The following JAZF1 variants were observed in gnomAD, a reference collection of about 807,000 sequenced individuals.
JAZF1 encodes the protein JAZF zinc finger 1.
In JAZF1, 8 loss-of-function variants were observed where a neutral mutation model predicts 26.4. The observed-to-expected ratio is 0.30, with a 90% CI of 0.18 to 0.55. The LOEUF is 0.55. Among genes scored for constraint, JAZF1 ranks in the 20% least tolerant of loss-of-function variants. JAZF1 has a pLI of 0.94. For missense variants in JAZF1, 199 were observed against 322.0 expected, an observed-to-expected ratio of 0.62 and a Z score of 2.92; for synonymous variants, 126 against 122.3, an observed-to-expected ratio of 1.03 and a Z score of -0.20.
intron 1 of JAZF1, among the ~76,000 whole-genome samples, chr7:28,126,674 G>A (rs1356962786): frequency 6.6e-6 from 1 of 152,162 alleles, no homozygotes; most frequent in Non-Finnish European, 1.5e-5. Flanking sequence ...CAACAAGACT[G>A]TACTCCCCAT....
chr7:27,840,241 C>G lies in JAZF1; in HGVS notation c.555+457G>C, dbSNP rs1235375544. 6.6e-6 allele frequency among the ~76,000 whole-genome samples: 1 copy of G among 152,174 alleles called. No individual in the cohort carries two copies. The highest frequency in any genetic ancestry group is 1.5e-5 in the Non-Finnish European group (1 of 68,032). On this transcript the variant is annotated intron_variant, in intron 4 of 4. Coordinates refer to ENST00000283928, the MANE Select transcript of JAZF1 (RefSeq NM_175061.4). The surrounding 1 kb of genome is among the most constrained non-coding windows in gnomAD (Gnocchi z 5.1). ...ACTTCCTCAGCTGGAAGCTAAATACCCTCCACACTCACCAAATGGCTCTGG... is the reference window on the plus strand; with the variant it reads ...ACTTCCTCAGCTGGAAGCTAAATACGCTCCACACTCACCAAATGGCTCTGG...
chr7:27,968,419 C>T (rs1785315926), intron 2 of JAZF1, among the ~76,000 whole-genome samples: 1 of 152,178 alleles, frequency 6.6e-6, no homozygotes, highest in South Asian at 2.1e-4. Flanking sequence ...TTTTTGCATT[C>T]AGCATCTTTC....
At chr7:28,051,220 T>A (rs982537776) in intron 1 of JAZF1, among the ~76,000 whole-genome samples, 6 of 151,758 alleles carry the variant, frequency 4.0e-5, no homozygotes, top group Non-Finnish European at 5.9e-5. Flanking sequence ...GTGAGTATAA[T>A]TTTTTATTTT....
chr7:27,895,234 C>A lies in JAZF1; in HGVS notation c.371G>T (p.Ser124Ile). Residue 124 changes from serine to isoleucine, a missense_variant, in exon 3 of 5, where the codon AGC becomes ATC. Coordinates refer to ENST00000283928, the MANE Select transcript of JAZF1 (RefSeq NM_175061.4). ...PPITPSSSFRSSTPTGSEYDE... is the reference protein window; with the variant it reads ...PPITPSSSFRISTPTGSEYDE... ...AGGCCACTCACCTGTCGGAGTGCTGCTGCGGAATGAAGAGGAGGGGGTGAT... is the reference window on the plus strand; with the variant it reads ...AGGCCACTCACCTGTCGGAGTGCTGATGCGGAATGAAGAGGAGGGGGTGAT... 6.2e-7 allele frequency: 1 copy of A among 1,601,066 alleles called. No homozygotes were observed. Among genetic ancestry groups the A allele is most frequent in the Non-Finnish European group, 8.5e-7 (1 of 1,173,978 alleles).
intron 2 of JAZF1, among the ~76,000 whole-genome samples, chr7:27,927,480 AG>A (rs1784619635): frequency 1.3e-5 from 2 of 152,146 alleles, no homozygotes; most frequent in Non-Finnish European, 2.9e-5. Flanking sequence ...TGAGGATAAT[AG>A]TATCTTCCTT....
intron 1 of JAZF1, among the ~76,000 whole-genome samples, chr7:28,006,674 C>T (rs939163659): frequency 6.6e-6 from 1 of 152,130 alleles, no homozygotes; most frequent in African/African-American, 2.4e-5. Context: ...TCAGAAAAGG[C>T]CCAAATCACA....
At chr7:28,110,492 GGAAAGGAAAGGAAAAGGAAAGGA>G (rs1784630369) in intron 1 of JAZF1, among the ~76,000 whole-genome samples, 2 of 34,392 alleles carry the variant, frequency 5.8e-5, no homozygotes, top group Admixed American at 4.9e-4. Context: ...GGAAAGGAAA[GGAAAGGAAAGGAAAAGGAAAGGA>G]AAAGGAAAAG....
At chr7:27,965,336 A>G (rs537336064) in intron 2 of JAZF1, among the ~76,000 whole-genome samples, 1 of 152,354 alleles carries the variant, frequency 6.6e-6, no homozygotes, top group African/African-American at 2.4e-5. Flanking sequence ...AGGTATTAAA[A>G]GAAGATCTGA....
rs1302505634 is a variant in JAZF1 at position 27,831,323 on chromosome 7, C to T, written c.*1477G>A. The T allele has an allele frequency of 8.8e-6, 2 of 226,740 alleles. No individual in the cohort carries two copies. The highest frequency in any genetic ancestry group is 1.1e-4 in the Admixed American group (2 of 17,546). The allele number at this position is 226,740 out of a possible 1,614,324, so 14.0% of individuals were successfully genotyped here. Reference sequence around the variant, plus strand: ...CAGTTATATGTGATGTAAGACTTTTCATCAAATGGGAACATGGGAAGAAAC... The same window carrying T: ...CAGTTATATGTGATGTAAGACTTTTTATCAAATGGGAACATGGGAAGAAAC... On this transcript the variant is annotated 3_prime_UTR_variant, in exon 5 of 5. Coordinates refer to ENST00000283928, the MANE Select transcript of JAZF1 (RefSeq NM_175061.4).
At chr7:28,081,965 G>C (rs1436902846) in intron 1 of JAZF1, among the ~76,000 whole-genome samples, 1 of 152,088 alleles carries the variant, frequency 6.6e-6, no homozygotes, top group African/African-American at 2.4e-5. Context: ...ATAAATCAAT[G>C]ACTGACAGTA....
At chr7:27,993,806 C>T (rs1053914352) in intron 1 of JAZF1, among the ~76,000 whole-genome samples, 4 of 152,022 alleles carry the variant, frequency 2.6e-5, no homozygotes, top group East Asian at 3.8e-4. Context: ...GATCAAAGGG[C>T]TTTGCTTTTG....
intron 3 of JAZF1, among the ~76,000 whole-genome samples, chr7:27,858,889 TTAAAC>T (rs1783323306): frequency 6.6e-6 from 1 of 152,124 alleles, no homozygotes; most frequent in South Asian, 2.1e-4. Flanking sequence ...TGGGATCTAA[TTAAAC>T]TAAAGAGCTT....
intron 2 of JAZF1, among the ~76,000 whole-genome samples, chr7:27,951,142 G>A (rs1785002032): frequency 6.6e-6 from 1 of 152,118 alleles, no homozygotes; most frequent in Non-Finnish European, 1.5e-5. Flanking sequence ...CTCAGTGCCT[G>A]GCCCATAGTA....
chr7:27,965,050 T>C (rs1216931165), intron 2 of JAZF1, among the ~76,000 whole-genome samples: 2 of 152,188 alleles, frequency 1.3e-5, no homozygotes, highest in African/African-American at 4.8e-5. Context: ...CTGCGACAGC[T>C]ACAGGGTTTC....
chr7:27,926,300 C>G (rs1026708830), intron 2 of JAZF1, among the ~76,000 whole-genome samples: 1 of 152,128 alleles, frequency 6.6e-6, no homozygotes, highest in Non-Finnish European at 1.5e-5. Flanking sequence ...ACCTGCAAAC[C>G]CCCCAAATAG....
At chr7:28,066,733 C>T (rs1034067958) in intron 1 of JAZF1, among the ~76,000 whole-genome samples, 1 of 151,932 alleles carries the variant, frequency 6.6e-6, no homozygotes, top group African/African-American at 2.4e-5. Context: ...GTGCTTGCCT[C>T]AAGCTCACGG....
chr7:27,985,689 A>T (rs7384844), intron 2 of JAZF1, among the ~76,000 whole-genome samples: 51,327 of 152,100 alleles, frequency 0.34, 9,720 homozygotes, highest in Middle Eastern at 0.44. Context: ...ATGAACATCG[A>T]TGCAAAAATC....
At chr7:28,039,470 G>C (rs1365936934) in intron 1 of JAZF1, among the ~76,000 whole-genome samples, 1 of 152,128 alleles carries the variant, frequency 6.6e-6, no homozygotes, top group Admixed American at 6.5e-5. Flanking sequence ...AATCAGACAA[G>C]ATGAAAATGT....
chr7:28,133,281 A>G (rs1324394964), intron 1 of JAZF1, among the ~76,000 whole-genome samples: 1 of 152,226 alleles, frequency 6.6e-6, no homozygotes, highest in Non-Finnish European at 1.5e-5. Flanking sequence ...GAGAGTTTTG[A>G]CTGAGAATGA....
Sources: allele counts gnomAD v4.1 joint callset (sites outside exome capture counted in the v4.1 genomes callset), GRCh38; gene constraint gnomAD v4.1.1; non-coding constraint Gnocchi (gnomAD v3.1); transcripts MANE v1.5; gene names NCBI Gene and HGNC (gene_info 2026-07-23, HGNC 2026-07-21).